The following ACTR3C variants were observed in gnomAD, a reference collection of about 807,000 sequenced individuals.
The protein encoded by ACTR3C is actin-related protein 3C.
A neutral mutation model predicts 26.3 loss-of-function variants in ACTR3C; 18 were observed. The ratio of observed to expected loss-of-function variants is 0.68; its 90% confidence interval spans 0.47 to 1.01. ACTR3C has a LOEUF of 1.01. ACTR3C is among the 50% of genes least tolerant of loss of function. The pLI is 0.00. For missense variants in ACTR3C, 184 were observed against 250.7 expected (o/e 0.73, Z 1.80); for synonymous variants, 55 against 94.5 (o/e 0.58, Z 2.42).
the ACTR3C span, among the ~76,000 whole-genome samples, chr7:150,037,114 A>AACT: frequency 6.3e-5 from 6 of 95,876 alleles, no homozygotes; most frequent in African/African-American, 2.1e-4. Context: ...CCAGGGGGGG[A>AACT]AGAGGGACTG....
chr7:149,962,211 TAGG>T, the ACTR3C span, among the ~76,000 whole-genome samples: 1 of 151,266 alleles, frequency 6.6e-6, no homozygotes, highest in Non-Finnish European at 1.5e-5. Flanking sequence ...TGTGGGCTCA[TAGG>T]AGGTGTTCAC....
chr7:150,323,512 C>T lies in ACTR3C; in HGVS notation c.-95G>A, dbSNP rs1292124776. 2 of 436,178 alleles carry T rather than the reference C, an allele frequency of 4.6e-6. No individual in the cohort carries two copies. The highest frequency in any genetic ancestry group is 3.2e-5 in the South Asian group (2 of 62,918). The allele number at this position is 436,178 out of a possible 1,614,324, so 27.0% of individuals were successfully genotyped here. A position where few individuals can be genotyped will look rare whatever the true frequency, so the allele number is the denominator to read the frequency against. Reference sequence around the variant, plus strand: ...CTCTGCGGTGCGGAGTTGCGCCGGACTTCCCAGCTTGGCCAGTGGCTCCGC... The same window carrying T: ...CTCTGCGGTGCGGAGTTGCGCCGGATTTCCCAGCTTGGCCAGTGGCTCCGC... On this transcript the variant is annotated 5_prime_UTR_variant, in exon 1 of 8. Transcript: ENST00000683684.
At chr7:150,162,805 C>T in the ACTR3C span, among the ~76,000 whole-genome samples, 1 of 152,128 alleles carries the variant, frequency 6.6e-6, no homozygotes, top group Non-Finnish European at 1.5e-5. Context: ...AAAATTATCT[C>T]TACACTAAAA....
At chr7:150,059,268 G>C in the ACTR3C span, among the ~76,000 whole-genome samples, 1 of 152,202 alleles carries the variant, frequency 6.6e-6, no homozygotes, top group Non-Finnish European at 1.5e-5. Context: ...TTGTTACAGA[G>C]GGGAAACCTC....
At position 150,291,768 on chromosome 7, in the gene ACTR3C, T is replaced by C. The variant is rs1191553855; in HGVS notation, c.153+1544A>G. Among the ~76,000 whole-genome samples the C allele has an allele frequency of 4.0e-4, 60 of 151,856 alleles. 1 individual carries two copies. Among genetic ancestry groups the C allele is most frequent in the African/African-American group, 9.4e-4 (39 of 41,312 alleles). ...TCAGCAGCGCAGTTCTCTGAGGAAA[T>C]GGCAGCCTGAGTTCTCGGTGAGTGC... On this transcript the variant is annotated intron_variant, in intron 3 of 7. Coordinates refer to ENST00000683684, the MANE Select transcript of ACTR3C (RefSeq NM_001164458.2).
At chr7:150,315,565 T>C (rs1197543418) in intron 1 of ACTR3C, among the ~76,000 whole-genome samples, 3 of 152,236 alleles carry the variant, frequency 2.0e-5, no homozygotes, top group East Asian at 3.8e-4. Context: ...GCATTCAACA[T>C]ATTTTATTAC....
the ACTR3C span, among the ~76,000 whole-genome samples, chr7:149,943,100 C>T: frequency 4.6e-5 from 7 of 151,898 alleles, no homozygotes; most frequent in Admixed American, 2.6e-4. Flanking sequence ...AAACTATGGC[C>T]CCGGGGCCTG....
At chr7:150,031,622 G>A in the ACTR3C span, among the ~76,000 whole-genome samples, 1 of 152,166 alleles carries the variant, frequency 6.6e-6, no homozygotes, top group South Asian at 2.1e-4. Flanking sequence ...AGGAGCTCTA[G>A]GGGCTGAGTG....
the ACTR3C span, among the ~76,000 whole-genome samples, chr7:149,996,034 T>C: frequency 1.3e-5 from 2 of 151,364 alleles, no homozygotes; most frequent in Non-Finnish European, 2.9e-5. Context: ...GTGTGGGAAA[T>C]CTCCTGGATG....
rs376700627 is a variant in ACTR3C at position 150,292,597 on chromosome 7, T to A, written c.153+715A>T. Among the ~76,000 whole-genome samples the A allele has an allele frequency of 4.4e-4, 66 of 149,030 alleles. No homozygotes were observed. The East Asian group carries it at 0.012, about 28-fold the overall frequency. On this transcript the variant is annotated intron_variant, in intron 3 of 7. Transcript: ENST00000683684. ...CTCACTGCAACCTCCATCTCCCGGGTTCAAGCGATTCTCCTGCCTCAGCCT... is the reference window on the plus strand; with the variant it reads ...CTCACTGCAACCTCCATCTCCCGGGATCAAGCGATTCTCCTGCCTCAGCCT...
chr7:150,208,253 TAC>T, the ACTR3C span, among the ~76,000 whole-genome samples: 1 of 152,204 alleles, frequency 6.6e-6, no homozygotes, highest in Middle Eastern at 3.4e-3. Context: ...ACAAGGCAGC[TAC>T]AGTTTGCGCT....
chr7:149,965,015 G>A, the ACTR3C span, among the ~76,000 whole-genome samples: 2 of 152,046 alleles, frequency 1.3e-5, no homozygotes, highest in Non-Finnish European at 2.9e-5. Context: ...GTATGTAAGA[G>A]TGTAAAAATG....
At chr7:150,092,742 G>T in the ACTR3C span, among the ~76,000 whole-genome samples, 1 of 150,500 alleles carries the variant, frequency 6.6e-6, no homozygotes, top group African/African-American at 2.5e-5. Context: ...CTCAGTTCAG[G>T]CCAACGGAAT....
At chr7:150,037,469 C>G in the ACTR3C span, among the ~76,000 whole-genome samples, 8 of 55,136 alleles carry the variant, frequency 1.5e-4, no homozygotes, top group African/African-American at 4.0e-4. Flanking sequence ...GCCTCCCCCC[C>G]CTGCGATGGG....
chr7:150,103,338 T>A, the ACTR3C span, among the ~76,000 whole-genome samples: 1 of 151,764 alleles, frequency 6.6e-6, no homozygotes, highest in Admixed American at 6.6e-5. Flanking sequence ...TAAAATAGAG[T>A]AAAACAAGGT....
At chr7:150,191,619 C>T in the ACTR3C span, among the ~76,000 whole-genome samples, 3 of 152,188 alleles carry the variant, frequency 2.0e-5, no homozygotes, top group South Asian at 4.1e-4. Flanking sequence ...GTGGATTTCT[C>T]GGGTTTTGCC....
the ACTR3C span, among the ~76,000 whole-genome samples, chr7:150,032,488 A>G: frequency 6.6e-6 from 1 of 151,966 alleles, no homozygotes; most frequent in Non-Finnish European, 1.5e-5. Flanking sequence ...TGCTGGATCA[A>G]CCAGAAACCC....
the ACTR3C span, among the ~76,000 whole-genome samples, chr7:149,970,179 A>G: frequency 6.6e-6 from 1 of 152,010 alleles, no homozygotes; most frequent in African/African-American, 2.4e-5. Flanking sequence ...AACTGTTTAG[A>G]CAGGTTTGAA....
At chr7:150,039,444 C>G in the ACTR3C span, among the ~76,000 whole-genome samples, 1 of 54,018 alleles carries the variant, frequency 1.9e-5, no homozygotes, top group Admixed American at 2.2e-4. Flanking sequence ...GTGCCTCCCC[C>G]CCTGCGATGG....
Sources: allele counts gnomAD v4.1 joint callset (sites outside exome capture counted in the v4.1 genomes callset), GRCh38; gene constraint gnomAD v4.1.1; transcripts MANE v1.5; gene names NCBI Gene and HGNC (gene_info 2026-07-23, HGNC 2026-07-21).